NUP93: variants seen among roughly 807,000 people sequenced by gnomAD.
NUP93 encodes the protein nucleoporin 93.
A neutral mutation model predicts 107.8 loss-of-function variants in NUP93; 55 were observed. The observed-to-expected ratio is 0.51, with a 90% CI of 0.41 to 0.64. The LOEUF (loss-of-function observed/expected upper bound fraction) is 0.64. Ranked by LOEUF, NUP93 falls within the 30% of genes least tolerant of loss-of-function variation. The pLI, the probability that NUP93 is intolerant of heterozygous loss-of-function variation, is 0.00. For synonymous variants in NUP93, 390 were observed against 397.5 expected (o/e 0.98, Z 0.22); for missense variants, 937 against 1,044.7 (o/e 0.90, Z 1.42).
At chr16:56,766,131 T>C (rs955957203) in intron 3 of NUP93, among the ~76,000 whole-genome samples, 13 of 152,248 alleles carry the variant, frequency 8.5e-5, no homozygotes, top group African/African-American at 2.9e-4. Context: ...GGATGCTGAA[T>C]GCATTCTGAA....
chr16:56,759,716 C>G (rs1425284824), intron 3 of NUP93, among the ~76,000 whole-genome samples: 2 of 151,864 alleles, frequency 1.3e-5, no homozygotes, highest in Non-Finnish European at 2.9e-5. Flanking sequence ...TAGCCCCCCT[C>G]CCCCGTACAA....
At chr16:56,754,909 TTG>T (rs1340156648) in intron 2 of NUP93, among the ~76,000 whole-genome samples, 1 of 152,202 alleles carries the variant, frequency 6.6e-6, no homozygotes, top group African/African-American at 2.4e-5. Flanking sequence ...TCCCAAAATT[TTG>T]TGTTTTTAAT....
At chr16:56,812,292 T>G (rs1963332669) in intron 5 of NUP93, among the ~76,000 whole-genome samples, 1 of 152,136 alleles carries the variant, frequency 6.6e-6, no homozygotes, top group Non-Finnish European at 1.5e-5. Flanking sequence ...AACAGGAGTT[T>G]CCCCCAGTTC....
intron 12 of NUP93, 53 bp from the exon 13 acceptor site, chr16:56,833,162 T>G (rs1332940615): frequency 3.9e-4 from 587 of 1,500,078 alleles, no homozygotes; most frequent in Non-Finnish European, 4.7e-4. Context: ...GGGCCACCAG[T>G]GAGCCCCTTC....
At chr16:56,810,872 GT>G (rs2144588549) in intron 5 of NUP93, among the ~76,000 whole-genome samples, 3 of 152,168 alleles carry the variant, frequency 2.0e-5, no homozygotes, top group African/African-American at 7.2e-5. Flanking sequence ...AATTTTGCCT[GT>G]TTTTGAACTT....
intron 1 of NUP93, among the ~76,000 whole-genome samples, chr16:56,743,625 A>G (rs1219063211): frequency 6.6e-6 from 1 of 152,168 alleles, no homozygotes; most frequent in Non-Finnish European, 1.5e-5. Flanking sequence ...TTATTGAAGT[A>G]TGATGCACAA....
At chr16:56,780,895 T>C (rs1316120547) in intron 3 of NUP93, among the ~76,000 whole-genome samples, 1 of 152,218 alleles carries the variant, frequency 6.6e-6, no homozygotes, top group African/African-American at 2.4e-5. Context: ...CTGACCAGCC[T>C]GACTTTAATC....
chr16:56,831,156 T>G (rs928961237), intron 10 of NUP93, among the ~76,000 whole-genome samples: 1 of 152,244 alleles, frequency 6.6e-6, no homozygotes, highest in Admixed American at 6.5e-5. Flanking sequence ...CATTAAGTCT[T>G]TAAGTTCTCT....
chr16:56,746,409 C>T (rs1316902292), intron 1 of NUP93, among the ~76,000 whole-genome samples: 1 of 152,118 alleles, frequency 6.6e-6, no homozygotes. Context: ...ATAAAGATTG[C>T]GAATTACAGC....
chr16:56,835,188 G>C (rs747980535), intron 16 of NUP93, among the ~76,000 whole-genome samples: 1 of 152,172 alleles, frequency 6.6e-6, no homozygotes, highest in Non-Finnish European at 1.5e-5. Context: ...GTTTCCAAGG[G>C]CTTTGAACTC....
intron 8 of NUP93, among the ~76,000 whole-genome samples, chr16:56,827,069 A>AAAAAT (rs1430722800): frequency 1.6e-4 from 20 of 125,716 alleles, no homozygotes; most frequent in Non-Finnish European, 2.5e-4. Flanking sequence ...AAAAAAAAAA[A>AAAAAT]TTTTGTTGAG....
intron 12 of NUP93, among the ~76,000 whole-genome samples, chr16:56,833,004 T>C (rs1273562799): frequency 6.6e-6 from 1 of 152,230 alleles, no homozygotes; most frequent in African/African-American, 2.4e-5. Flanking sequence ...AGTAATGTTA[T>C]GAGGTCTAGA....
intron 7 of NUP93, among the ~76,000 whole-genome samples, chr16:56,821,999 A>G (rs533691407): frequency 1.0e-4 from 15 of 146,636 alleles, no homozygotes; most frequent in South Asian, 8.7e-4. Flanking sequence ...AGCATTCTTT[A>G]TATACCACTG....
intron 2 of NUP93, among the ~76,000 whole-genome samples, chr16:56,753,010 C>G (rs1370200865): frequency 1.3e-5 from 2 of 152,080 alleles, no homozygotes; most frequent in African/African-American, 4.8e-5. Flanking sequence ...ATTTGATCAT[C>G]AATTAGGATA....
At chr16:56,799,161 C>T (rs1687518486) in intron 4 of NUP93, among the ~76,000 whole-genome samples, 1 of 152,164 alleles carries the variant, frequency 6.6e-6, no homozygotes, top group Admixed American at 6.5e-5. Context: ...TCTACTGAAT[C>T]AGCAGTTCAG....
intron 5 of NUP93, among the ~76,000 whole-genome samples, chr16:56,816,635 C>G (rs887455854): frequency 1.1e-4 from 17 of 152,164 alleles, no homozygotes; most frequent in African/African-American, 4.1e-4. Flanking sequence ...AAGCTGTCCC[C>G]AAGTATACTA....
At chr16:56,733,367 G>A (rs1961563498) in intron 1 of NUP93, among the ~76,000 whole-genome samples, 1 of 152,152 alleles carries the variant, frequency 6.6e-6, no homozygotes, top group South Asian at 2.1e-4. Context: ...GGCTTAGTCG[G>A]CGTGCAAGTC....
At chr16:56,838,054 G>T (rs1963949537) in intron 18 of NUP93, among the ~76,000 whole-genome samples, 3 of 152,178 alleles carry the variant, frequency 2.0e-5, no homozygotes, top group South Asian at 4.1e-4. Context: ...CCTCTCAAAG[G>T]CATTCAAGAC....
At chr16:56,757,120 T>A (rs529152132) in intron 2 of NUP93, among the ~76,000 whole-genome samples, 2 of 152,192 alleles carry the variant, frequency 1.3e-5, no homozygotes, top group Non-Finnish European at 2.9e-5. Context: ...CTGTAGTATT[T>A]ATTGGATTAG....
Sources: gnomAD v4.1 joint callset for allele counts (sites outside exome capture counted in the v4.1 genomes callset) on GRCh38, gnomAD v4.1.1 for gene constraint, MANE v1.5 for transcripts, NCBI Gene and HGNC (gene_info 2026-07-23, HGNC 2026-07-21) for gene names.